Variants in PLCB4 observed in about 807,000 individuals in gnomAD.
The protein encoded by PLCB4 is 1-phosphatidylinositol 4,5-bisphosphate phosphodiesterase beta-4.
In PLCB4, 77 loss-of-function variants were observed where a neutral mutation model predicts 178.8. The observed-to-expected ratio is 0.43, with a 90% CI of 0.36 to 0.52. PLCB4 has a LOEUF of 0.52. PLCB4 is among the 20% of genes least tolerant of loss of function. The pLI, the probability that PLCB4 is intolerant of heterozygous loss-of-function variation, is 0.00. For synonymous variants in PLCB4, 496 were observed against 490.8 expected (o/e 1.01, Z -0.14); for missense variants, 1,024 against 1,453.4 (o/e 0.70, Z 4.80).
rs572231111 is a variant in PLCB4 at position 9,343,222 on chromosome 20, T to A, written c.369+4185T>A. Among the ~76,000 whole-genome samples the A allele has an allele frequency of 7.4e-4, 113 of 152,282 alleles. 1 individual carries two copies. The highest frequency in any genetic ancestry group is 2.6e-3 in the African/African-American group (110 of 41,562). On this transcript the variant is annotated intron_variant, in intron 7 of 39. Transcript: ENST00000378473. ...CTTTTTTTTTTTAATTCCTAGGCTC[T>A]TATTACACTTAAGATCTGACCATTT...
At chr20:9,128,908 G>T (rs1308232581) in intron 2 of PLCB4, among the ~76,000 whole-genome samples, 3 of 152,096 alleles carry the variant, frequency 2.0e-5, no homozygotes, top group Non-Finnish European at 4.4e-5. Flanking sequence ...CCCCATATAA[G>T]TGGAGTCATA....
chr20:9,238,269 A>G (rs1223877393), intron 3 of PLCB4, among the ~76,000 whole-genome samples: 1 of 152,194 alleles, frequency 6.6e-6, no homozygotes, highest in African/African-American at 2.4e-5. Flanking sequence ...TGTCACTTCA[A>G]TACAAGCAAA....
rs542634461 is a variant in PLCB4 at position 9,100,363 on chromosome 20, A to G, written c.-79+4021A>G. Among the ~76,000 whole-genome samples the G allele has an allele frequency of 2.0e-5, 3 of 152,282 alleles. No homozygotes were observed. The East Asian group carries it at 5.8e-4, about 29-fold the overall frequency. On this transcript the variant is annotated intron_variant, in intron 2 of 39. Coordinates refer to ENST00000378473, the MANE Select transcript of PLCB4 (RefSeq NM_001377142.1). ...CGTGGAATAATAACAGGACAATTTA[A>G]TTTTATTTGTTATTGTTAATTTTTT... is the stretch of plus-strand genomic sequence containing the variant.
intron 32 of PLCB4, among the ~76,000 whole-genome samples, chr20:9,448,620 CT>C (rs11379188): frequency 0.012 from 1,725 of 144,420 alleles, 35 homozygotes; most frequent in African/African-American, 0.037. Flanking sequence ...TATGCACAGA[CT>C]TTTTTTTTTT....
At chr20:9,212,264 G>A (rs2093681004) in intron 2 of PLCB4, among the ~76,000 whole-genome samples, 1 of 152,210 alleles carries the variant, frequency 6.6e-6, no homozygotes. Flanking sequence ...TGACACAACT[G>A]CTTTCCAACA....
intron 2 of PLCB4, among the ~76,000 whole-genome samples, chr20:9,163,715 C>T (rs372942372): frequency 2.5e-4 from 38 of 152,110 alleles, no homozygotes; most frequent in Admixed American, 6.5e-4. Flanking sequence ...TATTTTCTTC[C>T]ATTTTTCCAA....
intron 3 of PLCB4, among the ~76,000 whole-genome samples, chr20:9,221,825 C>T (rs2093802271): frequency 6.6e-6 from 1 of 152,084 alleles, no homozygotes; most frequent in Non-Finnish European, 1.5e-5. Flanking sequence ...GTGAGGATGT[C>T]ATGTGATTGT....
At chr20:9,123,716 G>T (rs1050527179) in intron 2 of PLCB4, among the ~76,000 whole-genome samples, 1 of 151,982 alleles carries the variant, frequency 6.6e-6, no homozygotes, top group Non-Finnish European at 1.5e-5. Context: ...AGATAAGTAG[G>T]TAGATAGGTA....
At chr20:9,159,678 A>G (rs1401115361) in intron 2 of PLCB4, among the ~76,000 whole-genome samples, 1 of 152,188 alleles carries the variant, frequency 6.6e-6, no homozygotes, top group East Asian at 1.9e-4. Context: ...TGATTCCGTT[A>G]GCAGTAGCTC....
intron 28 of PLCB4, 88 bp downstream of exon 28, chr20:9,424,040 C>A: frequency 1.1e-6 from 1 of 883,640 alleles, no homozygotes; most frequent in Non-Finnish European, 1.8e-6. Context: ...CTTTAAAAAA[C>A]AATAAAAATA....
intron 1 of PLCB4, among the ~76,000 whole-genome samples, chr20:9,088,713 T>G (rs1307615514): frequency 2.0e-5 from 3 of 152,068 alleles, no homozygotes; most frequent in Non-Finnish European, 4.4e-5. Flanking sequence ...TGGAAAAAAA[T>G]AGAATTCAAA....
At chr20:9,402,108 C>A (rs2039072231) in intron 20 of PLCB4, among the ~76,000 whole-genome samples, 2 of 152,212 alleles carry the variant, frequency 1.3e-5, no homozygotes, top group African/African-American at 4.8e-5. Context: ...AAGTGTAAAA[C>A]ACACTTGCCT....
chr20:9,361,291 C>T (rs1425128230), intron 7 of PLCB4, among the ~76,000 whole-genome samples: 1 of 152,110 alleles, frequency 6.6e-6, no homozygotes, highest in Non-Finnish European at 1.5e-5. Flanking sequence ...GTGTATTATT[C>T]AGCCTTTAAA....
chr20:9,203,054 AAAATAT>A (rs1296903948), intron 2 of PLCB4, among the ~76,000 whole-genome samples: 12 of 127,416 alleles, frequency 9.4e-5, no homozygotes, highest in South Asian at 2.3e-4. Flanking sequence ...AAAAAAAAAA[AAAATAT>A]ATATATATAT....
intron 2 of PLCB4, among the ~76,000 whole-genome samples, chr20:9,126,521 A>G (rs553201286): frequency 1.7e-4 from 26 of 152,340 alleles, no homozygotes; most frequent in African/African-American, 6.3e-4. Context: ...ACTCTTTAAC[A>G]TGTTACCATG....
At chr20:9,127,716 GCT>G (rs2092159921) in intron 2 of PLCB4, among the ~76,000 whole-genome samples, 1 of 151,290 alleles carries the variant, frequency 6.6e-6, no homozygotes, top group African/African-American at 2.4e-5. Flanking sequence ...ACGGAGTCTT[GCT>G]CTGTCACCCA....
At chr20:9,299,886 C>T (rs2094683781) in intron 3 of PLCB4, among the ~76,000 whole-genome samples, 1 of 151,658 alleles carries the variant, frequency 6.6e-6, no homozygotes, top group Non-Finnish European at 1.5e-5. Context: ...CCAGATATGC[C>T]CTCACCCCAT....
At chr20:9,374,426 T>G (rs2036505550) in intron 12 of PLCB4, among the ~76,000 whole-genome samples, 1 of 152,180 alleles carries the variant, frequency 6.6e-6, no homozygotes, top group African/African-American at 2.4e-5. Context: ...CTTTAACCCC[T>G]TCCCCTTCTT....
At chr20:9,399,811 G>T (rs1187571052) in intron 19 of PLCB4, among the ~76,000 whole-genome samples, 2 of 152,156 alleles carry the variant, frequency 1.3e-5, no homozygotes, top group African/African-American at 4.8e-5. Context: ...TAAATGAAAT[G>T]AAATTAATAA....
Sources: gnomAD v4.1 joint callset for allele counts (sites outside exome capture counted in the v4.1 genomes callset) on GRCh38, gnomAD v4.1.1 for gene constraint, MANE v1.5 for transcripts, NCBI Gene and HGNC (gene_info 2026-07-23, HGNC 2026-07-21) for gene names.